RIMBP2: variants seen among roughly 807,000 people sequenced by gnomAD.
RIMBP2 encodes the protein RIMS-binding protein 2.
Under a neutral mutation model 118.6 loss-of-function variants are expected in RIMBP2, and 48 were observed. The ratio of observed to expected loss-of-function variants is 0.40; its 90% CI spans 0.32 to 0.51. The LOEUF is 0.51. Ranked by LOEUF, RIMBP2 falls within the 20% of genes least tolerant of loss-of-function variation. The pLI is 0.41. For synonymous variants in RIMBP2, 762 were observed against 742.9 expected (o/e 1.03, Z -0.42); for missense variants, 1,551 against 1,768.3 (o/e 0.88, Z 2.20).
chr12:130,641,148 T>C (rs1050843081), intron 1 of RIMBP2, among the ~76,000 whole-genome samples: 2 of 152,182 alleles, frequency 1.3e-5, no homozygotes, highest in African/African-American at 4.8e-5. Flanking sequence ...CTGGCAGGCA[T>C]GCAGTCATAA....
Position 130,576,886 on chromosome 12 carries a change from G to A in RIMBP2, c.-217+51436C>T, listed in dbSNP as rs1345094253. ...ATCTCCATGTAGAAAGAGACCGACA[G>A]TGTGGCAGGAGTCGCGGGGTGGAAC... On this transcript the variant is annotated intron_variant, in intron 2 of 22. Transcript: ENST00000690449. The surrounding 1 kb of genome is among the most constrained non-coding windows in gnomAD (Gnocchi z 4.2). Among the ~76,000 whole-genome samples the A allele has an allele frequency of 6.6e-6, 1 of 152,194 alleles. No individual in the cohort carries two copies. The highest frequency in any genetic ancestry group is 1.5e-5 in the Non-Finnish European group (1 of 68,042).
intron 13 of RIMBP2, 142 bp downstream of exon 13, chr12:130,436,700 C>A: frequency 1.8e-6 from 1 of 549,628 alleles, no homozygotes; most frequent in Non-Finnish European, 2.8e-6. Context: ...CAGAGTCCAC[C>A]AGCAAAGCGG....
At chr12:130,636,543 T>C (rs1178293526) in intron 1 of RIMBP2, among the ~76,000 whole-genome samples, 2 of 152,204 alleles carry the variant, frequency 1.3e-5, no homozygotes, top group African/African-American at 4.8e-5. Flanking sequence ...GCTTCTTAAA[T>C]GGACTAGATG....
At chr12:130,567,044 G>A (rs1013330814) in intron 2 of RIMBP2, among the ~76,000 whole-genome samples, 20 of 152,286 alleles carry the variant, frequency 1.3e-4, no homozygotes, top group African/African-American at 4.3e-4. Flanking sequence ...AAGGCATAGC[G>A]AAGATGAAAG....
intron 14 of RIMBP2, chr12:130,430,363 C>T (rs1477665949): frequency 6.6e-6 from 1 of 152,252 alleles, no homozygotes; most frequent in Non-Finnish European, 1.5e-5. Context: ...AGGCCTGTGG[C>T]TATAAATTTC....
At chr12:130,514,947 G>A (rs1347712501) in intron 3 of RIMBP2, among the ~76,000 whole-genome samples, 4 of 152,018 alleles carry the variant, frequency 2.6e-5, no homozygotes, top group Admixed American at 6.5e-5. Context: ...CGTGATCTCC[G>A]CTCACTGCAA....
intron 2 of RIMBP2, among the ~76,000 whole-genome samples, chr12:130,539,304 T>C (rs892612789): frequency 6.6e-6 from 1 of 152,184 alleles, no homozygotes; most frequent in African/African-American, 2.4e-5. Context: ...ATATATAACA[T>C]GTAAAGAACA....
In RIMBP2 at chr12:130,623,653, A is replaced by G. The variant is rs1029804913; in HGVS notation, c.-217+4669T>C. 6.6e-6 allele frequency among the ~76,000 whole-genome samples: 1 copy of G among 152,130 alleles called. No homozygotes were observed. The highest frequency in any genetic ancestry group is 1.5e-5 in the Non-Finnish European group (1 of 68,020). On this transcript the variant is annotated intron_variant, in intron 2 of 22. Coordinates refer to ENST00000690449, the MANE Select transcript of RIMBP2 (RefSeq NM_001393629.1). The surrounding 1 kb of genome is among the most constrained non-coding windows in gnomAD (Gnocchi z 4.1). ...AACCTCTTAGCGCTCAACTCCATGC[A>G]CACCAAGCTGGTTACCACCAACACC... is the stretch of plus-strand genomic sequence containing the variant.
At chr12:130,634,760 G>GA (rs1250052206) in intron 1 of RIMBP2, among the ~76,000 whole-genome samples, 1 of 151,804 alleles carries the variant, frequency 6.6e-6, no homozygotes, top group Non-Finnish European at 1.5e-5. Flanking sequence ...CCTGGCTAAT[G>GA]AAAAAATATA....
Position 130,424,337 on chromosome 12 carries a change from C to T in RIMBP2, c.2934G>A (p.Val978=), listed in dbSNP as rs1012115972. 6.5e-6 allele frequency: 8 copies of T among 1,231,962 alleles called. No homozygotes were observed. In the Admixed American group the frequency reaches 1.7e-4, roughly 26 times the overall value. The allele number at this position is 1,231,962 out of a possible 1,614,324, so 76.3% of individuals were successfully genotyped here. The change falls in exon 16 of 23, where the codon GTG becomes GTA. Residue 978 remains valine (V), a synonymous_variant. Transcript: ENST00000690449. This position sits in a 1 kb window ranked among gnomAD's most constrained non-coding sequence, Gnocchi z 9.8. ...CGTTCCTGAGGAGGCCACCAGGGCC[C>T]ACCTGCTCCCCAAAGTCCTCCTCCA... ...SSVEEDFGEQ[V]GPGGLLRNDD... is the part of the protein sequence containing the mutation.
chr12:130,557,216 C>T (rs541763424), intron 2 of RIMBP2, among the ~76,000 whole-genome samples: 3 of 152,028 alleles, frequency 2.0e-5, no homozygotes, highest in Non-Finnish European at 4.4e-5. Flanking sequence ...CCGAGGAGTA[C>T]CAAGGGTGCT....
chr12:130,413,996 C>T, intron 18 of RIMBP2, 129 bp downstream of exon 18: 1 of 988,138 alleles, frequency 1.0e-6, no homozygotes, highest in Non-Finnish European at 1.5e-6. Context: ...GCCACCTCCT[C>T]CCGTGCCTCG....
chr12:130,686,219 C>G (rs1263136955), intron 1 of RIMBP2, among the ~76,000 whole-genome samples: 1 of 152,214 alleles, frequency 6.6e-6, no homozygotes, highest in Admixed American at 6.5e-5. Context: ...ACAATAAAAC[C>G]CCTCCTTCTG....
chr12:130,430,978 C>T (rs773175798), intron 14 of RIMBP2, among the ~76,000 whole-genome samples: 1 of 152,108 alleles, frequency 6.6e-6, no homozygotes, highest in South Asian at 2.1e-4. Context: ...GTCATCAAGA[C>T]GTACACCCGG....
In RIMBP2 at chr12:130,434,988, C is replaced by T; in HGVS notation, c.2107-108G>A. 2.5e-6 allele frequency: 3 copies of T among 1,204,512 alleles called. No homozygotes were observed. Among genetic ancestry groups the T allele is most frequent in the Non-Finnish European group, 3.4e-6 (3 of 870,154 alleles). 74.6% of individuals were successfully genotyped at this position (1,204,512 alleles called of 1,614,324 possible). ...AGCCCCTCAGAGCCTGGCCAGGCAC[C>T]CCCCACACAGTGCTTTGGGCCCAGC... On this transcript the variant is annotated intron_variant, in intron 13 of 22. Transcript: ENST00000690449. The surrounding 1 kb of genome is among the most constrained non-coding windows in gnomAD (Gnocchi z 5.7).
rs143427522 is a variant in RIMBP2, at chr12:130,652,381, T to C, written c.-351-23925A>G. Among the ~76,000 whole-genome samples, 701 of 152,356 alleles carry C rather than the reference T, an allele frequency of 4.6e-3. 12 individuals are homozygous for C. Among genetic ancestry groups the C allele is most frequent in the South Asian group, 8.3e-3 (40 of 4,832 alleles). On this transcript the variant is annotated intron_variant, in intron 1 of 22. Transcript: ENST00000690449. Reference sequence around the variant, plus strand: ...TGAACATGTTTACCATCTGACTTTTTTCCAAAAAAGTTTGCCAACCCTTAG... The same window carrying C: ...TGAACATGTTTACCATCTGACTTTTCTCCAAAAAAGTTTGCCAACCCTTAG...
intron 1 of RIMBP2, among the ~76,000 whole-genome samples, chr12:130,629,727 A>C (rs1357123300): frequency 1.3e-5 from 2 of 152,228 alleles, no homozygotes; most frequent in African/African-American, 4.8e-5. Flanking sequence ...AGAAAACTAC[A>C]ATCCAAGAGC....
intron 2 of RIMBP2, among the ~76,000 whole-genome samples, chr12:130,538,765 G>T (rs77163453): frequency 6.6e-6 from 1 of 152,120 alleles, no homozygotes; most frequent in Non-Finnish European, 1.5e-5. Context: ...CTTCCCAACC[G>T]ACTTCACATG....
chr12:130,433,590 A>G (rs551413794), intron 14 of RIMBP2, among the ~76,000 whole-genome samples: 1 of 152,170 alleles, frequency 6.6e-6, no homozygotes. Context: ...ATCACTGATA[A>G]GCCATTCATT....
Sources: gnomAD v4.1 joint callset for allele counts (sites outside exome capture counted in the v4.1 genomes callset) on GRCh38, gnomAD v4.1.1 for gene constraint, Gnocchi (gnomAD v3.1) non-coding constraint, MANE v1.5 for transcripts, NCBI Gene and HGNC (gene_info 2026-07-23, HGNC 2026-07-21) for gene names.